The following TENM2 variants were observed in gnomAD, a reference collection of about 807,000 sequenced individuals.
TENM2 encodes teneurin-2.
Under a neutral mutation model 245.2 loss-of-function variants are expected in TENM2, and 52 were observed. The observed-to-expected ratio is 0.21, with a 90% CI of 0.17 to 0.27. The LOEUF is 0.27. Ranked by LOEUF, TENM2 falls within the 10% of genes least tolerant of loss-of-function variation. TENM2 has a pLI of 1.00. For synonymous variants in TENM2, 1,363 were observed against 1,438.9 expected, an observed-to-expected ratio of 0.95 and a Z score of 1.19; for missense variants, 3,046 against 3,666.8, an observed-to-expected ratio of 0.83 and a Z score of 4.37.
intron 2 of TENM2, among the ~76,000 whole-genome samples, chr5:167,572,368 T>A (rs1463596028): frequency 6.6e-6 from 1 of 152,198 alleles, no homozygotes; most frequent in East Asian, 1.9e-4. Flanking sequence ...ATAAGATAGT[T>A]GAAATGGTTG....
chr5:167,227,875 G>A, the TENM2 span, among the ~76,000 whole-genome samples: 1 of 152,062 alleles, frequency 6.6e-6, no homozygotes, highest in Non-Finnish European at 1.5e-5. Context: ...CTTTACAACT[G>A]AGACATCAGT....
the TENM2 span, among the ~76,000 whole-genome samples, chr5:167,081,070 A>T: frequency 5.9e-5 from 9 of 151,826 alleles, no homozygotes; most frequent in African/African-American, 2.2e-4. Context: ...TTTATCTTGG[A>T]TGTTAAGCCA....
intron 2 of TENM2, among the ~76,000 whole-genome samples, chr5:167,545,940 A>T (rs1772535558): frequency 6.6e-6 from 1 of 152,246 alleles, no homozygotes. Context: ...AATGCATTTC[A>T]AAGTTTAGTA....
intron 2 of TENM2, among the ~76,000 whole-genome samples, chr5:167,565,004 G>A (rs1773821694): frequency 6.6e-6 from 1 of 152,260 alleles, no homozygotes; most frequent in African/African-American, 2.4e-5. Context: ...ATAAGGAACT[G>A]CCACAGGGGC....
the TENM2 span, among the ~76,000 whole-genome samples, chr5:167,137,955 T>C: frequency 1.3e-5 from 2 of 152,220 alleles, no homozygotes; most frequent in Non-Finnish European, 2.9e-5. Context: ...ATCCGTTTTC[T>C]AAGGGTGAGA....
chr5:167,094,089 A>G, the TENM2 span, among the ~76,000 whole-genome samples: 3 of 152,258 alleles, frequency 2.0e-5, no homozygotes, highest in Non-Finnish European at 4.4e-5. Flanking sequence ...TAGTAATTAC[A>G]AAAATTAAAA....
At chr5:167,734,616 G>T (rs1425071509) in intron 2 of TENM2, among the ~76,000 whole-genome samples, 1 of 151,932 alleles carries the variant, frequency 6.6e-6, no homozygotes, top group Non-Finnish European at 1.5e-5. Flanking sequence ...GATTCCCATA[G>T]TTTGCCAGTG....
At chr5:167,299,335 C>G (rs372890724) in intron 1 of TENM2, among the ~76,000 whole-genome samples, 2 of 152,162 alleles carry the variant, frequency 1.3e-5, no homozygotes, top group East Asian at 3.9e-4. Context: ...GTGGCCTTCT[C>G]AGACCCTGTA....
chr5:167,825,758 GC>G (rs1161263331), intron 2 of TENM2, among the ~76,000 whole-genome samples: 8 of 151,844 alleles, frequency 5.3e-5, no homozygotes. Context: ...AGAGGGCCGG[GC>G]ATTTAATATT....
At chr5:167,338,232 GGAC>G (rs1757892354) in intron 1 of TENM2, among the ~76,000 whole-genome samples, 1 of 152,098 alleles carries the variant, frequency 6.6e-6, no homozygotes, top group Non-Finnish European at 1.5e-5. Flanking sequence ...TCTACCCACA[GGAC>G]TAAAGGGTTT....
At chr5:167,821,898 A>C in intron 2 of TENM2, among the ~76,000 whole-genome samples, 1 of 152,200 alleles carries the variant, frequency 6.6e-6, no homozygotes, top group South Asian at 2.1e-4. Context: ...TAGTCTCAAA[A>C]GCCCCGCGTA....
intron 5 of TENM2, among the ~76,000 whole-genome samples, chr5:168,018,461 G>A (rs1381147478): frequency 6.7e-6 from 1 of 150,266 alleles, no homozygotes; most frequent in Non-Finnish European, 1.5e-5. Flanking sequence ...GAAAAGGATT[G>A]CATTTCACTC....
At chr5:167,828,115 T>C (rs1768140718) in intron 2 of TENM2, among the ~76,000 whole-genome samples, 1 of 152,228 alleles carries the variant, frequency 6.6e-6, no homozygotes, top group Admixed American at 6.5e-5. Context: ...ACTATCTAAT[T>C]TAATCCTCAG....
At chr5:167,959,546 C>T (rs570026479) in intron 4 of TENM2, among the ~76,000 whole-genome samples, 27 of 152,230 alleles carry the variant, frequency 1.8e-4, no homozygotes, top group Non-Finnish European at 3.8e-4. Flanking sequence ...TTTTCAGCTC[C>T]CTCAGGTCAC....
the TENM2 span, among the ~76,000 whole-genome samples, chr5:167,241,033 C>G: frequency 6.6e-6 from 1 of 152,186 alleles, no homozygotes; most frequent in Non-Finnish European, 1.5e-5. Context: ...AGATCACCAC[C>G]TTTCCCTTTA....
intron 3 of TENM2, among the ~76,000 whole-genome samples, chr5:167,935,301 G>A (rs1778618673): frequency 1.3e-5 from 2 of 152,150 alleles, no homozygotes; most frequent in African/African-American, 4.8e-5. Flanking sequence ...CCTAGGCAGT[G>A]CCATTTTTCT....
At chr5:167,431,172 A>G (rs572984202) in intron 2 of TENM2, among the ~76,000 whole-genome samples, 1 of 152,340 alleles carries the variant, frequency 6.6e-6, no homozygotes, top group South Asian at 2.1e-4. Flanking sequence ...CATAACATTT[A>G]GATTTTAGGT....
chr5:168,199,364 G>A (rs1761739047), intron 16 of TENM2, among the ~76,000 whole-genome samples: 1 of 152,210 alleles, frequency 6.6e-6, no homozygotes, highest in South Asian at 2.1e-4. Flanking sequence ...ACATACATAT[G>A]TGCAACCCAC....
chr5:168,158,844 T>C (rs1194748601), intron 12 of TENM2, among the ~76,000 whole-genome samples: 1 of 90,138 alleles, frequency 1.1e-5, no homozygotes, highest in African/African-American at 4.0e-5. Context: ...TATATATATA[T>C]ATATATACAC....
Sources: gnomAD v4.1 joint callset for allele counts (sites outside exome capture counted in the v4.1 genomes callset) on GRCh38, gnomAD v4.1.1 for gene constraint, MANE v1.5 for transcripts, NCBI Gene and HGNC (gene_info 2026-07-23, HGNC 2026-07-21) for gene names.